PRKCE: variants seen among roughly 807,000 people sequenced by gnomAD.
PRKCE encodes the protein protein kinase C epsilon.
A neutral mutation model predicts 85.4 loss-of-function variants in PRKCE; 16 were observed. The ratio of observed to expected loss-of-function variants is 0.19; its 90% CI spans 0.13 to 0.28. The LOEUF (loss-of-function observed/expected upper bound fraction) is 0.28, where lower values mean the gene tolerates loss of function less well. Among genes scored for constraint, PRKCE ranks in the 10% least tolerant of loss-of-function variants. PRKCE has a pLI of 1.00. For synonymous variants in PRKCE, 388 were observed against 371.5 expected (o/e 1.04, Z -0.51); for missense variants, 573 against 975.2 (o/e 0.59, Z 5.49).
intron 10 of PRKCE, among the ~76,000 whole-genome samples, chr2:46,039,978 T>A (rs1382836845): frequency 6.6e-6 from 1 of 152,248 alleles, no homozygotes; most frequent in Non-Finnish European, 1.5e-5. Flanking sequence ...AAGCCTGTGC[T>A]GTTTCTGGAG....
At chr2:45,669,591 A>C (rs1376930098) in intron 1 of PRKCE, among the ~76,000 whole-genome samples, 3 of 152,242 alleles carry the variant, frequency 2.0e-5, no homozygotes, top group African/African-American at 7.2e-5. Flanking sequence ...CTACTTGAAA[A>C]GACTGATCTG....
At chr2:45,864,053 C>CT (rs1693386810) in intron 2 of PRKCE, among the ~76,000 whole-genome samples, 1 of 152,144 alleles carries the variant, frequency 6.6e-6, no homozygotes, top group Non-Finnish European at 1.5e-5. Context: ...CCTACAGCTA[C>CT]TTTTTTGTAG....
chr2:45,727,800 G>A (rs1439526409), intron 1 of PRKCE, among the ~76,000 whole-genome samples: 1 of 152,032 alleles, frequency 6.6e-6, no homozygotes, highest in African/African-American at 2.4e-5. Context: ...GATTACAGGT[G>A]CCCGCCACCA....
intron 14 of PRKCE, among the ~76,000 whole-genome samples, chr2:46,165,858 T>A (rs999386305): frequency 6.6e-6 from 1 of 152,230 alleles, no homozygotes; most frequent in African/African-American, 2.4e-5. Context: ...AGAAACCTAG[T>A]TGTCCTCAGT....
intron 2 of PRKCE, among the ~76,000 whole-genome samples, chr2:45,883,708 C>A (rs544619958): frequency 1.8e-4 from 28 of 152,304 alleles, no homozygotes; most frequent in Middle Eastern, 3.4e-3. Flanking sequence ...CAGTCAGTTC[C>A]TTAGGAAGAG....
chr2:45,841,320 A>G (rs576571943), intron 1 of PRKCE, among the ~76,000 whole-genome samples: 219 of 152,348 alleles, frequency 1.4e-3, no homozygotes, highest in African/African-American at 5.1e-3. Context: ...CCTGAAAAGT[A>G]GGAAAGCCGA....
At chr2:45,964,441 C>A (rs1447534121) in intron 2 of PRKCE, among the ~76,000 whole-genome samples, 1 of 152,202 alleles carries the variant, frequency 6.6e-6, no homozygotes, top group Non-Finnish European at 1.5e-5. Flanking sequence ...TTGGCTGGTG[C>A]CCCACTTGGC....
chr2:45,723,433 C>T (rs1680789531), intron 1 of PRKCE, among the ~76,000 whole-genome samples: 1 of 152,148 alleles, frequency 6.6e-6, no homozygotes, highest in Non-Finnish European at 1.5e-5. Flanking sequence ...CTTCTAGGCT[C>T]CTGGACATTA....
At chr2:45,816,267 G>A (rs751122183) in intron 1 of PRKCE, among the ~76,000 whole-genome samples, 3 of 152,154 alleles carry the variant, frequency 2.0e-5, no homozygotes, top group Admixed American at 1.3e-4. Flanking sequence ...GCTCAGCCCT[G>A]CTATGAATAT....
At chr2:45,657,049 C>T (rs528473671) in intron 1 of PRKCE, among the ~76,000 whole-genome samples, 1 of 152,344 alleles carries the variant, frequency 6.6e-6, no homozygotes, top group Non-Finnish European at 1.5e-5. Flanking sequence ...TGAAGGGCTG[C>T]ATGCAGGTGA....
chr2:46,135,745 G>GTTTTTTTTTTTTTTTTT (rs1558491144), intron 11 of PRKCE, among the ~76,000 whole-genome samples: 1 of 14,904 alleles, frequency 6.7e-5, no homozygotes, highest in African/African-American at 2.7e-4. Context: ...AACAAATTAT[G>GTTTTTTTTTTTTTTTTT]CTTTTTTTTT....
chr2:45,937,533 A>G (rs989618160), intron 2 of PRKCE, among the ~76,000 whole-genome samples: 4 of 152,184 alleles, frequency 2.6e-5, no homozygotes, highest in African/African-American at 7.2e-5. Context: ...TAATACGGTG[A>G]AACCCCATCT....
chr2:45,899,487 T>C (rs1370670642), intron 2 of PRKCE, among the ~76,000 whole-genome samples: 1 of 151,858 alleles, frequency 6.6e-6, no homozygotes, highest in Non-Finnish European at 1.5e-5. Context: ...GCTCAGATGA[T>C]CTCCCCACCT....
chr2:45,687,987 A>G (rs1306289626), intron 1 of PRKCE, among the ~76,000 whole-genome samples: 1 of 152,170 alleles, frequency 6.6e-6, no homozygotes, highest in African/African-American at 2.4e-5. Flanking sequence ...CACCCAGAAG[A>G]TGTGCTCCTC....
chr2:45,868,600 A>G (rs1693818420), intron 2 of PRKCE, among the ~76,000 whole-genome samples: 2 of 151,034 alleles, frequency 1.3e-5, no homozygotes, highest in Non-Finnish European at 2.9e-5. Flanking sequence ...CTGGGATTAT[A>G]GGCGTGAGCC....
chr2:45,801,123 C>A (rs1351808061), intron 1 of PRKCE, among the ~76,000 whole-genome samples: 3 of 152,016 alleles, frequency 2.0e-5, no homozygotes, highest in Non-Finnish European at 4.4e-5. Flanking sequence ...GTTGAGTGGG[C>A]CAAGTTTTCA....
At chr2:45,896,089 G>A (rs1353217883) in intron 2 of PRKCE, among the ~76,000 whole-genome samples, 1 of 152,334 alleles carries the variant, frequency 6.6e-6, no homozygotes, top group African/African-American at 2.4e-5. Flanking sequence ...GCATATCTGG[G>A]TCTTGGTCCT....
At chr2:45,866,620 AGACT>A (rs982962590) in intron 2 of PRKCE, among the ~76,000 whole-genome samples, 3 of 152,228 alleles carry the variant, frequency 2.0e-5, no homozygotes, top group Admixed American at 2.0e-4. Flanking sequence ...GATTTTCTTC[AGACT>A]AACAATGGCG....
intron 10 of PRKCE, among the ~76,000 whole-genome samples, chr2:46,022,907 TC>T (rs1558972081): frequency 6.6e-6 from 1 of 150,622 alleles, no homozygotes; most frequent in African/African-American, 2.5e-5. Flanking sequence ...CAAGGTGAAA[TC>T]CCGTCTCTAC....
Sources: gnomAD v4.1 joint callset for allele counts (sites outside exome capture counted in the v4.1 genomes callset) on GRCh38, gnomAD v4.1.1 for gene constraint, MANE v1.5 for transcripts, NCBI Gene and HGNC (gene_info 2026-07-23, HGNC 2026-07-21) for gene names.